The following TRPM3 variants were observed in gnomAD, a reference collection of about 807,000 sequenced individuals.
TRPM3 encodes transient receptor potential cation channel subfamily M member 3.
A neutral mutation model predicts 181.2 loss-of-function variants in TRPM3; 77 were observed. The observed-to-expected ratio is 0.42, with a 90% CI of 0.35 to 0.51. TRPM3 has a LOEUF of 0.51. Ranked by LOEUF, TRPM3 falls within the 20% of genes least tolerant of loss-of-function variation. The pLI is 0.01. For missense variants in TRPM3, 1,759 were observed against 2,196.7 expected, an observed-to-expected ratio of 0.80 and a Z score of 3.98; for synonymous variants, 745 against 796.4, an observed-to-expected ratio of 0.94 and a Z score of 1.09.
At chr9:70,974,583 G>C (rs1267986058) in intron 1 of TRPM3, among the ~76,000 whole-genome samples, 1 of 151,422 alleles carries the variant, frequency 6.6e-6, no homozygotes, top group African/African-American at 2.4e-5. Context: ...CAAAAAATTA[G>C]CTGGGCGTGG....
chr9:70,840,501 T>C (rs1048058390), intron 5 of TRPM3, among the ~76,000 whole-genome samples: 5 of 152,086 alleles, frequency 3.3e-5, no homozygotes, highest in Admixed American at 2.0e-4. Context: ...TTTTCTGCCC[T>C]CTGTGCTAGG....
chr9:71,223,007 G>C (rs1398036441), intron 1 of TRPM3, among the ~76,000 whole-genome samples: 3 of 152,030 alleles, frequency 2.0e-5, no homozygotes, highest in African/African-American at 7.2e-5. Context: ...ACCTAGTGCT[G>C]AACTGGGCTC....
chr9:70,773,738 A>G (rs2080808737), intron 7 of TRPM3, among the ~76,000 whole-genome samples: 2 of 152,142 alleles, frequency 1.3e-5, no homozygotes, highest in African/African-American at 4.8e-5. Flanking sequence ...TCTCCTGTGT[A>G]TTATGTCTGT....
chr9:71,234,803 T>C (rs1011532877), intron 1 of TRPM3, among the ~76,000 whole-genome samples: 6 of 152,222 alleles, frequency 3.9e-5, no homozygotes, highest in African/African-American at 1.4e-4. Context: ...TACAATTCAG[T>C]CATAATATCC....
intron 1 of TRPM3, among the ~76,000 whole-genome samples, chr9:71,379,147 C>A (rs919735125): frequency 6.6e-6 from 1 of 151,906 alleles, no homozygotes; most frequent in African/African-American, 2.4e-5. Flanking sequence ...ACTTTTGCTA[C>A]GTGAAATACT....
intron 1 of TRPM3, among the ~76,000 whole-genome samples, chr9:71,047,810 T>TCACACACA (rs56653631): frequency 3.0e-4 from 43 of 141,620 alleles, no homozygotes; most frequent in South Asian, 7.2e-4. Context: ...ACTGGCTGCA[T>TCACACACA]CACACACACA....
At chr9:71,159,595 A>G (rs1240468894) in intron 1 of TRPM3, among the ~76,000 whole-genome samples, 2 of 152,112 alleles carry the variant, frequency 1.3e-5, no homozygotes, top group Non-Finnish European at 2.9e-5. Context: ...AAGTTATTAT[A>G]TAACTGCCTT....
At chr9:71,119,127 T>C (rs2073076754) in intron 1 of TRPM3, among the ~76,000 whole-genome samples, 1 of 152,152 alleles carries the variant, frequency 6.6e-6, no homozygotes. Flanking sequence ...CTGAAAGAAC[T>C]TGGTATGACT....
At chr9:70,930,904 C>G in intron 1 of TRPM3, among the ~76,000 whole-genome samples, 1 of 151,910 alleles carries the variant, frequency 6.6e-6, no homozygotes, top group East Asian at 1.9e-4. Flanking sequence ...TATATATATT[C>G]ACATTTATCA....
intron 1 of TRPM3, among the ~76,000 whole-genome samples, chr9:71,190,514 T>C (rs1411165): frequency 1.8e-4 from 27 of 151,734 alleles, no homozygotes; most frequent in Admixed American, 1.2e-3. Context: ...TCTGAAAACA[T>C]AGAAGTCTTT....
chr9:71,251,403 T>G (rs1565385432), intron 1 of TRPM3, among the ~76,000 whole-genome samples: 1 of 152,214 alleles, frequency 6.6e-6, no homozygotes, highest in Non-Finnish European at 1.5e-5. Context: ...TGCTTATATC[T>G]TCTCTCATTT....
In TRPM3 at chr9:70,937,798, T is replaced by G. The variant is rs571019240; in HGVS notation, c.178-73287A>C. ...AGAGCTCTAGCAATGACACTCATAG[T>G]CCTGTGTGATTCCTGGAGGTGCTGC... On this transcript the variant is annotated intron_variant, in intron 1 of 25. Transcript: ENST00000677713. Among the ~76,000 whole-genome samples, 9 of 150,982 alleles carry G rather than the reference T, an allele frequency of 6.0e-5. No individual in the cohort carries two copies. The South Asian group carries it at 1.9e-3, about 32-fold the overall frequency.
At chr9:71,330,460 T>C (rs2090029445) in intron 1 of TRPM3, among the ~76,000 whole-genome samples, 1 of 151,684 alleles carries the variant, frequency 6.6e-6, no homozygotes, top group African/African-American at 2.4e-5. Context: ...AGCATATTTA[T>C]TGAATGCCAG....
chr9:70,858,814 A>G (rs975853048), intron 3 of TRPM3, among the ~76,000 whole-genome samples: 1 of 151,852 alleles, frequency 6.6e-6, no homozygotes, highest in Admixed American at 6.6e-5. Flanking sequence ...ATTCTTAATA[A>G]TTTTATCCTT....
intron 5 of TRPM3, 99 bp downstream of exon 5, chr9:70,842,904 G>T: frequency 1.6e-6 from 2 of 1,220,706 alleles, no homozygotes; most frequent in Non-Finnish European, 1.2e-6. Context: ...GAGACCCAAA[G>T]AATACTATAA....
chr9:70,840,099 A>G (rs542534630), intron 5 of TRPM3, among the ~76,000 whole-genome samples: 23 of 152,284 alleles, frequency 1.5e-4, no homozygotes, highest in African/African-American at 5.5e-4. Flanking sequence ...CCTTTTAGCT[A>G]TCATATTGGA....
At chr9:70,739,662 A>G (rs1380675803) in intron 8 of TRPM3, among the ~76,000 whole-genome samples, 1 of 151,852 alleles carries the variant, frequency 6.6e-6, no homozygotes, top group Non-Finnish European at 1.5e-5. Context: ...CACCATCTCA[A>G]TTCACTGCAA....
At chr9:70,563,968 GT>G (rs1382467487) in intron 22 of TRPM3, among the ~76,000 whole-genome samples, 1 of 152,160 alleles carries the variant, frequency 6.6e-6, no homozygotes, top group East Asian at 1.9e-4. Context: ...ACTCTGTGTA[GT>G]TTTGTTTTCT....
chr9:71,021,216 T>C (rs1034194014), intron 1 of TRPM3, among the ~76,000 whole-genome samples: 5 of 152,168 alleles, frequency 3.3e-5, no homozygotes, highest in African/African-American at 4.8e-5. Context: ...ATGGTGACCT[T>C]TGGGAAAGAA....
Sources: gnomAD v4.1 joint callset for allele counts (sites outside exome capture counted in the v4.1 genomes callset) on GRCh38, gnomAD v4.1.1 for gene constraint, MANE v1.5 for transcripts, NCBI Gene and HGNC (gene_info 2026-07-23, HGNC 2026-07-21) for gene names.